The following ADAMTSL1 variants were observed in gnomAD, a reference collection of about 807,000 sequenced individuals.
The protein encoded by ADAMTSL1 is ADAMTS-like protein 1.
Under a neutral mutation model 201.8 loss-of-function variants are expected in ADAMTSL1, and 126 were observed. The ratio of observed to expected loss-of-function variants is 0.62; its 90% CI spans 0.54 to 0.72. The LOEUF is 0.72. ADAMTSL1 is among the 30% of genes least tolerant of loss of function. The pLI, the probability that ADAMTSL1 is intolerant of heterozygous loss-of-function variation, is 0.00. For synonymous variants in ADAMTSL1, 1,121 were observed against 903.4 expected (o/e 1.24, Z -4.32); for missense variants, 2,679 against 2,277.8 (o/e 1.18, Z -3.59).
chr9:18,338,029 TCCTGAGGA>T (rs1290117987), intron 2 of ADAMTSL1, among the ~76,000 whole-genome samples: 1 of 152,044 alleles, frequency 6.6e-6, no homozygotes, highest in Non-Finnish European at 1.5e-5. Context: ...TTATTTAGGA[TCCTGAGGA>T]TCAATGGAGA....
rs952489738 is a variant in ADAMTSL1 at position 18,711,757 on chromosome 9, G to C, written c.1876+4709G>C. 5.0e-4 allele frequency among the ~76,000 whole-genome samples: 76 copies of C among 152,230 alleles called. No homozygotes were observed. In the East Asian group the frequency reaches 0.011, roughly 22 times the overall value. ...GGTGGAGCCCACCACAGCTCAAGGA[G>C]GCCTGCCTGCCTCTGTAGGCTCCAC... is the stretch of plus-strand genomic sequence containing the variant. On this transcript the variant is annotated intron_variant, in intron 14 of 28. Transcript: ENST00000380548.
At chr9:18,881,984 A>G (rs1297331015) in intron 23 of ADAMTSL1, among the ~76,000 whole-genome samples, 3 of 152,290 alleles carry the variant, frequency 2.0e-5, no homozygotes, top group African/African-American at 7.2e-5. Flanking sequence ...GCTACTCACT[A>G]TGGCCTCTGA....
rs1378694848 is a variant in ADAMTSL1 at position 18,399,326 on chromosome 9, T to TATAA, written c.208-105501_208-105498dup. On this transcript the variant is annotated intron_variant, in intron 2 of 29. Coordinates refer to the ADAMTSL1 transcript ENST00000680146. Reference sequence around the variant, plus strand: ...ATATATATATATATATATATATATATATAAAATTATTATTTTCTTTTTTTC... The same window carrying TATAA: ...ATATATATATATATATATATATATATATAAATAAAATTATTATTTTCTTTTTTTC... 2.8e-4 allele frequency among the ~76,000 whole-genome samples: 31 copies of TATAA among 112,074 alleles called. 1 individual carries two copies. The highest frequency in any genetic ancestry group is 1.9e-4 in the Admixed American group (2 of 10,778). The allele number at this position is 112,074 out of a possible 152,430, so 73.5% of individuals were successfully genotyped here.
At chr9:18,477,412 A>T (rs1192157015) in intron 1 of ADAMTSL1, among the ~76,000 whole-genome samples, 3 of 152,210 alleles carry the variant, frequency 2.0e-5, no homozygotes, top group African/African-American at 7.2e-5. Flanking sequence ...CATGGCAACT[A>T]GTCAAACACA....
chr9:18,681,454 A>G (rs776760), intron 11 of ADAMTSL1: 23,309 of 155,344 alleles, frequency 0.15, 1,862 homozygotes, highest in South Asian at 0.22. Flanking sequence ...AAGTAACTAA[A>G]TAAAATACAG....
At chr9:18,422,111 C>G (rs1009435697) in intron 2 of ADAMTSL1, among the ~76,000 whole-genome samples, 6 of 152,130 alleles carry the variant, frequency 3.9e-5, no homozygotes, top group Non-Finnish European at 8.8e-5. Context: ...TCTCCCTGGT[C>G]TCCTATAAAA....
At chr9:18,017,999 G>C (rs560139071) in intron 1 of ADAMTSL1, among the ~76,000 whole-genome samples, 1 of 152,034 alleles carries the variant, frequency 6.6e-6, no homozygotes, top group East Asian at 1.9e-4. Context: ...TCAAACTGTG[G>C]CCTGAGGGAT....
At chr9:18,713,079 TA>T (rs1395700698) in intron 14 of ADAMTSL1, among the ~76,000 whole-genome samples, 2 of 151,236 alleles carry the variant, frequency 1.3e-5, no homozygotes, top group Non-Finnish European at 3.0e-5. Flanking sequence ...AGGCCTGCCC[TA>T]AAAGAGCTCC....
intron 1 of ADAMTSL1, among the ~76,000 whole-genome samples, chr9:18,079,358 A>G (rs1280575843): frequency 3.9e-5 from 6 of 152,114 alleles, no homozygotes; most frequent in Non-Finnish European, 1.5e-5. Flanking sequence ...TCCATTTAAT[A>G]TCCTTTTAAC....
chr9:18,171,163 T>C (rs935769511), intron 2 of ADAMTSL1, among the ~76,000 whole-genome samples: 3 of 151,952 alleles, frequency 2.0e-5, no homozygotes, highest in Admixed American at 6.6e-5. Context: ...AGAACGTAGA[T>C]AGACAAATAG....
intron 23 of ADAMTSL1, among the ~76,000 whole-genome samples, chr9:18,887,260 G>A (rs1381028239): frequency 6.6e-6 from 1 of 152,096 alleles, no homozygotes; most frequent in Admixed American, 6.5e-5. Flanking sequence ...GTATAATATT[G>A]TACATGTCCA....
chr9:18,216,278 T>G (rs1309381869), intron 2 of ADAMTSL1, among the ~76,000 whole-genome samples: 1 of 152,176 alleles, frequency 6.6e-6, no homozygotes, highest in African/African-American at 2.4e-5. Flanking sequence ...GGACAAAGAG[T>G]TTGCCTTTAA....
At chr9:18,500,644 A>T (rs556767785) in intron 1 of ADAMTSL1, among the ~76,000 whole-genome samples, 1 of 152,310 alleles carries the variant, frequency 6.6e-6, no homozygotes, top group South Asian at 2.1e-4. Flanking sequence ...CTCTCAGTGG[A>T]TTTCTCAAAT....
At chr9:18,152,183 C>T (rs1826945212) in intron 1 of ADAMTSL1, among the ~76,000 whole-genome samples, 1 of 151,986 alleles carries the variant, frequency 6.6e-6, no homozygotes, top group South Asian at 2.1e-4. Context: ...CCAGGACTTC[C>T]ACCCAGGTCC....
intron 1 of ADAMTSL1, among the ~76,000 whole-genome samples, chr9:18,092,570 G>A (rs1338676597): frequency 6.6e-6 from 1 of 152,096 alleles, no homozygotes. Flanking sequence ...ACAGGAATAA[G>A]CTCTTGTGCC....
At chr9:18,827,533 T>C (rs1824658172) in intron 22 of ADAMTSL1, among the ~76,000 whole-genome samples, 1 of 152,134 alleles carries the variant, frequency 6.6e-6, no homozygotes, top group Non-Finnish European at 1.5e-5. Flanking sequence ...CAGAGAAAGA[T>C]GTTATTTGTT....
At chr9:18,477,288 G>A (rs1412180922) in intron 1 of ADAMTSL1, among the ~76,000 whole-genome samples, 1 of 152,194 alleles carries the variant, frequency 6.6e-6, no homozygotes, top group East Asian at 1.9e-4. Context: ...CTTTTAAACG[G>A]TTTTAAGCTC....
At chr9:18,755,260 C>T (rs950901561) in intron 16 of ADAMTSL1, among the ~76,000 whole-genome samples, 5 of 152,182 alleles carry the variant, frequency 3.3e-5, no homozygotes, top group African/African-American at 1.2e-4. Flanking sequence ...TGACCTTAAA[C>T]GGCACCACTA....
At chr9:18,869,224 C>T (rs1420467745) in intron 23 of ADAMTSL1, among the ~76,000 whole-genome samples, 1 of 152,190 alleles carries the variant, frequency 6.6e-6, no homozygotes, top group East Asian at 1.9e-4. Context: ...CCAACCTTGC[C>T]AGCACTTTCA....
Sources: gnomAD v4.1 joint callset for allele counts (sites outside exome capture counted in the v4.1 genomes callset) on GRCh38, gnomAD v4.1.1 for gene constraint, MANE v1.5 for transcripts, NCBI Gene and HGNC (gene_info 2026-07-23, HGNC 2026-07-21) for gene names.